Variants in SH3RF3 observed in about 807,000 individuals in gnomAD.
The protein encoded by SH3RF3 is E3 ubiquitin-protein ligase SH3RF3.
A neutral mutation model predicts 66.3 loss-of-function variants in SH3RF3; 29 were observed. The observed-to-expected ratio is 0.44, with a 90% CI of 0.33 to 0.60. The LOEUF (loss-of-function observed/expected upper bound fraction) is 0.60, where lower values mean the gene tolerates loss of function less well. Among genes scored for constraint, SH3RF3 ranks in the 20% least tolerant of loss-of-function variants. The pLI, the probability that SH3RF3 is intolerant of heterozygous loss-of-function variation, is 0.04. For synonymous variants in SH3RF3, 583 were observed against 532.0 expected (o/e 1.10, Z -1.32); for missense variants, 1,194 against 1,190.9 (o/e 1.00, Z -0.04).
At chr2:109,303,916 A>G (rs967096929) in intron 1 of SH3RF3, among the ~76,000 whole-genome samples, 3 of 152,078 alleles carry the variant, frequency 2.0e-5, no homozygotes, top group Non-Finnish European at 2.9e-5. Flanking sequence ...AATCCTTACT[A>G]TAAGATATAA....
intron 1 of SH3RF3, among the ~76,000 whole-genome samples, chr2:109,132,227 C>T (rs1676715300): frequency 1.3e-5 from 2 of 152,130 alleles, no homozygotes; most frequent in Non-Finnish European, 1.5e-5. Flanking sequence ...CTCCTTACAT[C>T]TTCTTTTGGG....
At chr2:109,341,216 A>C (rs1682546798) in intron 1 of SH3RF3, among the ~76,000 whole-genome samples, 1 of 152,236 alleles carries the variant, frequency 6.6e-6, no homozygotes, top group African/African-American at 2.4e-5. Context: ...AAAAGGGACA[A>C]AGGAACTCGA....
chr2:109,463,689 C>T (rs146153825), intron 8 of SH3RF3, among the ~76,000 whole-genome samples: 71 of 152,302 alleles, frequency 4.7e-4, no homozygotes, highest in African/African-American at 1.5e-3. Context: ...TGTTTGTTTC[C>T]GCTGCAGTCA....
chr2:109,183,068 G>T (rs2104990914), intron 1 of SH3RF3, among the ~76,000 whole-genome samples: 1 of 152,254 alleles, frequency 6.6e-6, no homozygotes, highest in East Asian at 1.9e-4. Context: ...AAGCCACAAT[G>T]ACTAATTTAT....
chr2:109,481,469 G>C (rs992992921), intron 8 of SH3RF3, among the ~76,000 whole-genome samples: 7 of 152,186 alleles, frequency 4.6e-5, no homozygotes, highest in African/African-American at 9.7e-5. Flanking sequence ...ACTGGTCAAG[G>C]CTGGGCTATT....
chr2:109,227,313 A>G (rs1679394979), intron 1 of SH3RF3, among the ~76,000 whole-genome samples: 1 of 152,184 alleles, frequency 6.6e-6, no homozygotes, highest in Non-Finnish European at 1.5e-5. Flanking sequence ...ACAAAGCTAC[A>G]CGTCCATGCC....
chr2:109,392,208 A>G (rs1676016652), intron 3 of SH3RF3, among the ~76,000 whole-genome samples: 1 of 152,166 alleles, frequency 6.6e-6, no homozygotes, highest in Admixed American at 6.5e-5. Context: ...ACCTCAGTGA[A>G]TATATTCTTT....
chr2:109,248,079 C>G (rs2105243586), intron 1 of SH3RF3, among the ~76,000 whole-genome samples: 1 of 152,320 alleles, frequency 6.6e-6, no homozygotes, highest in Non-Finnish European at 1.5e-5. Flanking sequence ...GAACATGAAT[C>G]AATTGGAGGC....
intron 4 of SH3RF3, among the ~76,000 whole-genome samples, chr2:109,414,453 C>T (rs1676671716): frequency 1.3e-5 from 2 of 152,092 alleles, no homozygotes; most frequent in South Asian, 2.1e-4. Context: ...AAACCTGGCC[C>T]CTGTTACCAT....
chr2:109,301,012 G>A (rs1681453423), intron 1 of SH3RF3, among the ~76,000 whole-genome samples: 1 of 152,236 alleles, frequency 6.6e-6, no homozygotes, highest in Admixed American at 6.5e-5. Flanking sequence ...CTGCAGAGGG[G>A]CAGGGTGTCT....
chr2:109,139,021 G>A (rs533201203), intron 1 of SH3RF3, among the ~76,000 whole-genome samples: 1 of 152,330 alleles, frequency 6.6e-6, no homozygotes, highest in South Asian at 2.1e-4. Context: ...GATGGCAGGG[G>A]ACGTGGAGTC....
At chr2:109,331,338 G>C (rs1176403167) in intron 1 of SH3RF3, among the ~76,000 whole-genome samples, 1 of 152,060 alleles carries the variant, frequency 6.6e-6, no homozygotes, top group Admixed American at 6.6e-5. Context: ...ACAGCCACCT[G>C]GCCTGTTTTC....
intron 4 of SH3RF3, among the ~76,000 whole-genome samples, chr2:109,404,584 C>T (rs1433676304): frequency 6.6e-6 from 1 of 152,122 alleles, no homozygotes; most frequent in Non-Finnish European, 1.5e-5. Flanking sequence ...CACTGGGCAC[C>T]TCCCAGAGGC....
rs543919291 is a variant in SH3RF3, at chr2:109,284,066, C to G, written c.574-63608C>G. Among the ~76,000 whole-genome samples, 11 of 152,288 alleles carry G rather than the reference C, an allele frequency of 7.2e-5. No homozygotes were observed. In the South Asian group the frequency reaches 2.3e-3, roughly 32 times the overall value. On this transcript the variant is annotated intron_variant, in intron 1 of 9. Transcript: ENST00000309415. ...TGCCTTCTCACTTGCTGTCACCTCC[C>G]TTGTCCTGCCCCCTGGCCTTCCCAG...
intron 2 of SH3RF3, among the ~76,000 whole-genome samples, chr2:109,355,208 C>T (rs1451356087): frequency 2.0e-5 from 3 of 152,208 alleles, no homozygotes; most frequent in Non-Finnish European, 4.4e-5. Context: ...GACATGAAAC[C>T]TGTAAACGAA....
At chr2:109,307,398 A>T (rs1835356) in intron 1 of SH3RF3, among the ~76,000 whole-genome samples, 1 of 151,782 alleles carries the variant, frequency 6.6e-6, no homozygotes, top group Non-Finnish European at 1.5e-5. Context: ...CTCTGGGCGG[A>T]AGCTTGGAGC....
At chr2:109,189,732 G>A (rs1467099785) in intron 1 of SH3RF3, among the ~76,000 whole-genome samples, 1 of 152,104 alleles carries the variant, frequency 6.6e-6, no homozygotes, top group Non-Finnish European at 1.5e-5. Flanking sequence ...TAGCTTTTAG[G>A]TTTGCATCAT....
chr2:109,368,921 CAA>C (rs1683204170), intron 2 of SH3RF3, among the ~76,000 whole-genome samples: 4 of 149,668 alleles, frequency 2.7e-5, no homozygotes, highest in African/African-American at 9.9e-5. Flanking sequence ...TGAGCTGGGC[CAA>C]TCATGCCTTG....
intron 8 of SH3RF3, among the ~76,000 whole-genome samples, chr2:109,453,118 C>G (rs1200777375): frequency 3.3e-5 from 5 of 152,184 alleles, no homozygotes; most frequent in Admixed American, 2.0e-4. Flanking sequence ...GGGGATAATA[C>G]AAGTGCAGAC....
Sources: allele counts gnomAD v4.1 joint callset (sites outside exome capture counted in the v4.1 genomes callset), GRCh38; gene constraint gnomAD v4.1.1; transcripts MANE v1.5; gene names NCBI Gene and HGNC (gene_info 2026-07-23, HGNC 2026-07-21).